Variants in FNDC3A observed in about 807,000 individuals in gnomAD.
FNDC3A encodes the protein fibronectin type-III domain-containing protein 3A.
A neutral mutation model predicts 148.9 loss-of-function variants in FNDC3A; 32 were observed. The observed-to-expected ratio is 0.21, with a 90% CI of 0.16 to 0.29. The LOEUF is 0.29. FNDC3A is among the 10% of genes least tolerant of loss of function. The pLI, the probability that FNDC3A is intolerant of heterozygous loss-of-function variation, is 1.00. For missense variants in FNDC3A, 1,191 were observed against 1,452.8 expected, an observed-to-expected ratio of 0.82 and a Z score of 2.93; for synonymous variants, 472 against 473.6, an observed-to-expected ratio of 1.00 and a Z score of 0.04.
At position 49,133,215 on chromosome 13, in the gene FNDC3A, A is replaced by T. The variant is rs1882139564; in HGVS notation, c.490+1841A>T. 2.0e-5 allele frequency among the ~76,000 whole-genome samples: 3 copies of T among 152,224 alleles called. No homozygotes were observed. The South Asian group carries it at 6.2e-4, about 31-fold the overall frequency. On this transcript the variant is annotated intron_variant, in intron 5 of 25. Coordinates refer to ENST00000492622, the MANE Select transcript of FNDC3A (RefSeq NM_001079673.2). Reference sequence around the variant, plus strand: ...ATGTTCATGCTGTGCTCCAAGGAACATACTTTTGAGTACCAAAAGTTTATA... The same window carrying T: ...ATGTTCATGCTGTGCTCCAAGGAACTTACTTTTGAGTACCAAAAGTTTATA...
At chr13:49,118,765 G>A (rs956814462) in intron 4 of FNDC3A, among the ~76,000 whole-genome samples, 9 of 152,168 alleles carry the variant, frequency 5.9e-5, no homozygotes, top group African/African-American at 1.4e-4. Flanking sequence ...AGAGCCCACC[G>A]CAGCTCATCA....
intron 2 of FNDC3A, chr13:49,045,824 T>C (rs1432989698): frequency 7.8e-6 from 3 of 385,584 alleles, no homozygotes; most frequent in South Asian, 3.6e-5. Flanking sequence ...GTCAAATAAA[T>C]TGTCCTTTTC....
At chr13:49,061,787 CCTCTCCTCTCCTCTT>C (rs2137744623) in intron 2 of FNDC3A, among the ~76,000 whole-genome samples, 1 of 26,050 alleles carries the variant, frequency 3.8e-5, no homozygotes, top group South Asian at 1.3e-3. Context: ...CTCTCCTCTC[CCTCTCCTCTCCTCTT>C]CTCTCCTCTC....
chr13:49,183,442 G>A (rs550112574), intron 14 of FNDC3A, among the ~76,000 whole-genome samples: 1 of 152,290 alleles, frequency 6.6e-6, no homozygotes, highest in South Asian at 2.1e-4. Context: ...TATGTGATAG[G>A]CACTAAATGA....
At chr13:49,022,029 AAG>A (rs1279778658) in intron 2 of FNDC3A, among the ~76,000 whole-genome samples, 1 of 152,228 alleles carries the variant, frequency 6.6e-6, no homozygotes, top group Non-Finnish European at 1.5e-5. Context: ...CAATTGTAAA[AAG>A]GTATTTTTTT....
chr13:49,136,629 T>C, intron 6 of FNDC3A, 28 bp downstream of exon 6: 1 of 1,591,254 alleles, frequency 6.3e-7, no homozygotes, highest in South Asian at 1.1e-5. Context: ...TGAACTGTTC[T>C]CATTGATGCT....
At chr13:49,146,895 GTTA>G (rs1469047261) in intron 8 of FNDC3A, 1 of 152,220 alleles carries the variant, frequency 6.6e-6, no homozygotes, top group East Asian at 1.9e-4. Flanking sequence ...TTAATGGTTA[GTTA>G]TTATTTAAGC....
Position 49,207,374 on chromosome 13 carries a change from T to A in FNDC3A, c.3576T>A (p.Ile1192=), listed in dbSNP as rs1167914528. Residue 1192 remains isoleucine (I), a synonymous_variant, in exon 26 of 26, where the codon ATT becomes ATA. Transcript: ENST00000492622. The part of the protein sequence containing the change: ...AFFSILIAFI[I]QYFVIK ...TTTCCATTTTGATTGCCTTTATCAT[T>A]CAGTACTTTGTAATCAAGTGAAAAT... The A allele has an allele frequency of 1.2e-6, 2 of 1,602,208 alleles. No homozygotes were observed. Among genetic ancestry groups the A allele is most frequent in the Non-Finnish European group, 1.7e-6 (2 of 1,169,890 alleles).
chr13:49,196,535 G>A (rs908144187), intron 19 of FNDC3A, among the ~76,000 whole-genome samples: 8 of 152,156 alleles, frequency 5.3e-5, no homozygotes, highest in Non-Finnish European at 7.4e-5. Flanking sequence ...ACCATCTCCC[G>A]TACCTTTAAT....
chr13:49,041,784 C>T (rs560097484), intron 2 of FNDC3A, among the ~76,000 whole-genome samples: 1 of 147,460 alleles, frequency 6.8e-6, no homozygotes, highest in Non-Finnish European at 1.5e-5. Flanking sequence ...GCACCCCAGC[C>T]TGGGCAACAA....
rs368469510 is a variant in FNDC3A, at chr13:49,167,207, A to C, written c.978-37A>C. On this transcript the variant is annotated intron_variant, in intron 8 of 25. Transcript: ENST00000492622. ...AATGTACATTGGTTGAAAATGCTTT[A>C]TTTATCAGACATGATATATTACCCT... is the stretch of plus-strand genomic sequence containing the variant. The C allele has an allele frequency of 1.3e-5, 17 of 1,342,290 alleles. No individual in the cohort carries two copies. The African/African-American group carries it at 2.2e-4, about 17-fold the overall frequency. 83.1% of individuals were successfully genotyped at this position (1,342,290 alleles called of 1,614,324 possible).
rs1593449429 is a variant in FNDC3A, at chr13:48,995,911, T to C, written c.-39-10241T>C. Among the ~76,000 whole-genome samples the C allele has an allele frequency of 3.9e-5, 6 of 152,332 alleles. 2 individuals carry two copies. Among genetic ancestry groups the C allele is most frequent in the Admixed American group, 3.9e-4 (6 of 15,298 alleles). ...ACCACAGGTGATTTCAAATACCTTA[T>C]TTTTAGTCTAATATAGTCAAGTTTA... On this transcript the variant is annotated intron_variant, in intron 1 of 25. Transcript: ENST00000492622.
intron 2 of FNDC3A, among the ~76,000 whole-genome samples, chr13:49,053,056 C>T (rs1358723824): frequency 6.6e-6 from 1 of 152,160 alleles, no homozygotes. Flanking sequence ...GTCCTGAAGG[C>T]CAGTCTCATT....
chr13:49,004,285 A>G (rs1952180108), intron 1 of FNDC3A, among the ~76,000 whole-genome samples: 1 of 152,128 alleles, frequency 6.6e-6, no homozygotes, highest in Non-Finnish European at 1.5e-5. Context: ...AAATGCCAGC[A>G]TTTGAGTTGC....
chr13:49,135,381 G>A (rs1411518933), intron 5 of FNDC3A, among the ~76,000 whole-genome samples: 1 of 151,872 alleles, frequency 6.6e-6, no homozygotes, highest in Non-Finnish European at 1.5e-5. Flanking sequence ...TTTTTTCTTT[G>A]ATTGCTTGTG....
intron 2 of FNDC3A, among the ~76,000 whole-genome samples, chr13:49,021,925 T>C (rs964608106): frequency 2.0e-5 from 3 of 152,196 alleles, no homozygotes; most frequent in Non-Finnish European, 2.9e-5. Context: ...TGGAAAACAG[T>C]GTTTATTATT....
At chr13:49,182,796 A>G (rs1413301285) in intron 14 of FNDC3A, among the ~76,000 whole-genome samples, 1 of 151,928 alleles carries the variant, frequency 6.6e-6, no homozygotes, top group Non-Finnish European at 1.5e-5. Context: ...TCTTCCTCTC[A>G]TCTTATCTGG....
chr13:49,159,896 T>G (rs1883979119), intron 8 of FNDC3A, among the ~76,000 whole-genome samples: 1 of 152,220 alleles, frequency 6.6e-6, no homozygotes, highest in African/African-American at 2.4e-5. Context: ...TTGTCTTTGG[T>G]TCTATTTATA....
rs564086330 is a variant in FNDC3A at position 49,178,318 on chromosome 13, G to A, written c.1531-250G>A. Reference sequence around the variant, plus strand: ...AAACTCTTCCCTCAACACAAAGATCGTCTTCTCTTGGCTACTATATTTACT... The same window carrying A: ...AAACTCTTCCCTCAACACAAAGATCATCTTCTCTTGGCTACTATATTTACT... On this transcript the variant is annotated intron_variant, in intron 13 of 25. Transcript: ENST00000492622. Among the ~76,000 whole-genome samples, 49 of 152,250 alleles carry A rather than the reference G, an allele frequency of 3.2e-4. 1 individual carries two copies. The South Asian group carries it at 9.5e-3, about 30-fold the overall frequency.
Sources: allele counts gnomAD v4.1 joint callset (sites outside exome capture counted in the v4.1 genomes callset), GRCh38; gene constraint gnomAD v4.1.1; transcripts MANE v1.5; gene names NCBI Gene and HGNC (gene_info 2026-07-23, HGNC 2026-07-21).